Variants in GMPS observed in about 807,000 individuals in gnomAD.
The protein encoded by GMPS is GMP synthase [glutamine-hydrolyzing].
GMPS carries 15 observed loss-of-function variants against 77.9 expected under a neutral mutation model. The ratio of observed to expected loss-of-function variants is 0.19; its 90% confidence interval spans 0.13 to 0.30. The LOEUF is 0.30. GMPS is among the 10% of genes least tolerant of loss of function. The pLI, the probability that GMPS is intolerant of heterozygous loss-of-function variation, is 1.00. For synonymous variants in GMPS, 224 were observed against 275.9 expected (o/e 0.81, Z 1.86); for missense variants, 590 against 838.8 (o/e 0.70, Z 3.66).
chr3:155,884,177 G>C (rs907490685), intron 1 of GMPS, among the ~76,000 whole-genome samples: 7 of 151,502 alleles, frequency 4.6e-5, no homozygotes, highest in Admixed American at 2.0e-4. Context: ...CCTGAGGTCA[G>C]GAGTTCAAGA....
At chr3:155,912,076 A>G (rs1207606395) in intron 7 of GMPS, among the ~76,000 whole-genome samples, 3 of 152,196 alleles carry the variant, frequency 2.0e-5, no homozygotes, top group Admixed American at 6.5e-5. Context: ...ACAAGGTGCA[A>G]TTGATAGTTA....
At chr3:155,931,146 G>A (rs1483059016) in intron 12 of GMPS, among the ~76,000 whole-genome samples, 1 of 151,620 alleles carries the variant, frequency 6.6e-6, no homozygotes, top group Non-Finnish European at 1.5e-5. Flanking sequence ...AATTAAATAT[G>A]CTGGTTATCC....
chr3:155,896,596 T>G (rs1240333107), intron 2 of GMPS, among the ~76,000 whole-genome samples: 1 of 152,016 alleles, frequency 6.6e-6, no homozygotes, highest in East Asian at 1.9e-4. Context: ...TTTTTTTAAA[T>G]TTTTTGTAGA....
chr3:155,922,353 A>G, intron 11 of GMPS, 51 bp downstream of exon 11: 1 of 683,320 alleles, frequency 1.5e-6, no homozygotes, highest in Non-Finnish European at 2.4e-6. Context: ...GATTCTTATT[A>G]TATACCAGCA....
chr3:155,916,868 A>G lies in GMPS; in HGVS notation c.1212+676A>G, dbSNP rs184908919. On this transcript the variant is annotated intron_variant, in intron 9 of 15. Transcript: ENST00000496455. ...AATGATGATACAATTTTACATTCGCACTAGCAATCTATGAGATTCAAATTT... is the reference window on the plus strand; with the variant it reads ...AATGATGATACAATTTTACATTCGCGCTAGCAATCTATGAGATTCAAATTT... Among the ~76,000 whole-genome samples, 8 of 152,322 alleles carry G rather than the reference A, an allele frequency of 5.3e-5. No homozygotes were observed. The East Asian group carries it at 1.5e-3, about 29-fold the overall frequency.
chr3:155,876,763 T>G (rs756426376), intron 1 of GMPS, among the ~76,000 whole-genome samples: 11 of 152,224 alleles, frequency 7.2e-5, no homozygotes, highest in Non-Finnish European at 1.5e-4. Flanking sequence ...TGTGTATACA[T>G]TAGCATTATT....
In GMPS at chr3:155,910,854, T is replaced by C; in HGVS notation, c.689T>C (p.Ile230Thr). Residue 230 changes from isoleucine (I) to threonine (T), a missense_variant, in exon 6 of 16, where the codon ATC (isoleucine) becomes ACC (threonine). Transcript: ENST00000496455. ...AGAGAACTTGAGTGTATTCGAGAGA[T>C]CAAAGAGAGAGTAGGCACGTCAAAA... is the stretch of plus-strand genomic sequence containing the variant. ...QNRELECIRE[I>T]KERVGTSKVL... is the part of the protein sequence containing the mutation. 6.3e-7 allele frequency: 1 copy of C among 1,598,734 alleles called. No individual in the cohort carries two copies. The highest frequency in any genetic ancestry group is 8.5e-7 in the Non-Finnish European group (1 of 1,175,468).
chr3:155,940,355 T>TA lies in GMPS; in HGVS notation c.*2664dup, dbSNP rs1454527072. ...TAATTCCTAAATACAAGTCTGTAGA[T>TA]ATATCCAGGAGATAGGGTTACACTG... is the stretch of plus-strand genomic sequence containing the variant. On this transcript the variant is annotated 3_prime_UTR_variant, in exon 16 of 16. Coordinates refer to ENST00000496455, the MANE Select transcript of GMPS (RefSeq NM_003875.3). 5.0e-6 allele frequency: 1 copy of TA among 201,560 alleles called. No homozygotes were observed. Among genetic ancestry groups the TA allele is most frequent in the East Asian group, 7.7e-5 (1 of 13,028 alleles). 12.5% of individuals were successfully genotyped at this position (201,560 alleles called of 1,614,324 possible). A position where few individuals can be genotyped will look rare whatever the true frequency, so the allele number is the denominator to read the frequency against.
At chr3:155,877,315 G>A (rs1428404996) in intron 1 of GMPS, among the ~76,000 whole-genome samples, 1 of 152,062 alleles carries the variant, frequency 6.6e-6, no homozygotes, top group East Asian at 1.9e-4. Context: ...CAACATCCAT[G>A]TCCTCAATCT....
At chr3:155,879,358 C>A (rs1365929618) in intron 1 of GMPS, among the ~76,000 whole-genome samples, 2 of 151,222 alleles carry the variant, frequency 1.3e-5, no homozygotes, top group Non-Finnish European at 2.9e-5. Flanking sequence ...ACCTCCACCT[C>A]CCCAGTTCAA....
intron 12 of GMPS, among the ~76,000 whole-genome samples, chr3:155,927,023 A>T (rs1468697583): frequency 6.6e-6 from 1 of 152,136 alleles, no homozygotes; most frequent in Non-Finnish European, 1.5e-5. Context: ...TTAAAAAAAA[A>T]AAAAAATTGA....
rs968389238 is a variant in GMPS at position 155,943,426 on chromosome 3, C to T, written c.*5734C>T. 1 of 179,906 alleles carries T rather than the reference C, an allele frequency of 5.6e-6. No individual in the cohort carries two copies. The highest frequency in any genetic ancestry group is 2.4e-5 in the African/African-American group (1 of 42,374). 11.1% of individuals were successfully genotyped at this position (179,906 alleles called of 1,614,324 possible). A position where few individuals can be genotyped will look rare whatever the true frequency, so the allele number is the denominator to read the frequency against. On this transcript the variant is annotated 3_prime_UTR_variant, in exon 16 of 16. Transcript: ENST00000496455. ...TATCTTATTCAAGTGGAGTATATAT[C>T]TTCAAGAATACAGATTTTTAAGGTA...
Position 155,906,146 on chromosome 3 carries a change from T to A in GMPS, c.423-14T>A. 6.8e-7 allele frequency: 1 copy of A among 1,468,866 alleles called. No homozygotes were observed. Among genetic ancestry groups the A allele is most frequent in the African/African-American group, 1.4e-5 (1 of 70,810 alleles). 91.0% of individuals were successfully genotyped at this position (1,468,866 alleles called of 1,614,324 possible). ...AATTAAGATATTTGTGTGTTTTATT[T>A]TTTGTATGTTTAGGGGCCTTCAGAA... On this transcript the variant is annotated splice_polypyrimidine_tract_variant and intron_variant, in intron 4 of 15. Transcript: ENST00000496455.
chr3:155,927,666 C>A (rs1161040941), intron 12 of GMPS, among the ~76,000 whole-genome samples: 1 of 152,022 alleles, frequency 6.6e-6, no homozygotes, highest in Non-Finnish European at 1.5e-5. Context: ...CCAAAGTAAA[C>A]CGTATTTGTA....
At chr3:155,908,216 G>A (rs1328761030) in intron 5 of GMPS, among the ~76,000 whole-genome samples, 1 of 152,160 alleles carries the variant, frequency 6.6e-6, no homozygotes, top group African/African-American at 2.4e-5. Context: ...ATAAAGGGGA[G>A]GGTACCTGGA....
intron 5 of GMPS, among the ~76,000 whole-genome samples, chr3:155,909,801 G>C (rs748389200): frequency 6.6e-6 from 1 of 152,070 alleles, no homozygotes; most frequent in Non-Finnish European, 1.5e-5. Context: ...AATTAGCTGA[G>C]TGTGGTGGCA....
At chr3:155,924,037 C>T (rs1365670832) in intron 11 of GMPS, among the ~76,000 whole-genome samples, 1 of 152,158 alleles carries the variant, frequency 6.6e-6, no homozygotes, top group East Asian at 1.9e-4. Context: ...TGTGCCATCA[C>T]GCTTGGCTAA....
chr3:155,915,590 C>T (rs546669882), intron 8 of GMPS, among the ~76,000 whole-genome samples: 12 of 151,826 alleles, frequency 7.9e-5, no homozygotes, highest in East Asian at 1.9e-4. Flanking sequence ...TTAGTAGAGA[C>T]GGGGTTTCAC....
chr3:155,924,701 C>A (rs892257645), intron 11 of GMPS, among the ~76,000 whole-genome samples: 1 of 151,852 alleles, frequency 6.6e-6, no homozygotes, highest in South Asian at 2.1e-4. Context: ...ATATTGATAA[C>A]CTATAATTAA....
Sources: gnomAD v4.1 joint callset for allele counts (sites outside exome capture counted in the v4.1 genomes callset) on GRCh38, gnomAD v4.1.1 for gene constraint, MANE v1.5 for transcripts, NCBI Gene and HGNC (gene_info 2026-07-23, HGNC 2026-07-21) for gene names.